Variants in NKAIN3 observed in about 807,000 individuals in gnomAD.
NKAIN3 encodes the protein sodium/potassium transporting ATPase interacting 3, also known as sodium/potassium-transporting ATPase subunit beta-1-interacting protein 3.
Under a neutral mutation model 30.2 loss-of-function variants are expected in NKAIN3, and 25 were observed. That is an observed-to-expected ratio of 0.83 (90% CI 0.60 to 1.16). The LOEUF (loss-of-function observed/expected upper bound fraction) is 1.16. Ranked by LOEUF, NKAIN3 falls within the 50% of genes most tolerant of loss-of-function variation. The probability of loss-of-function intolerance (pLI) is 0.00; values close to 1 mark genes in which losing one functional copy is unlikely to be tolerated. For synonymous variants in NKAIN3, 91 were observed against 89.6 expected, an observed-to-expected ratio of 1.02 and a Z score of -0.09; for missense variants, 225 against 254.1, an observed-to-expected ratio of 0.89 and a Z score of 0.78.
chr8:62,871,680 C>T (rs866335913), intron 4 of NKAIN3, among the ~76,000 whole-genome samples: 7 of 152,130 alleles, frequency 4.6e-5, no homozygotes, highest in Non-Finnish European at 1.0e-4. Flanking sequence ...AAGAGGAATT[C>T]GGGCTTTGGG....
intron 3 of NKAIN3, among the ~76,000 whole-genome samples, chr8:62,630,058 TTATAA>T (rs1299699767): frequency 2.0e-5 from 3 of 152,084 alleles, no homozygotes; most frequent in African/African-American, 7.2e-5. Context: ...ATGACTTTTA[TTATAA>T]TATATTATAG....
rs1204626948 is a variant in NKAIN3, at chr8:62,601,575, A to G, written c.273+11781A>G. 9.9e-5 allele frequency among the ~76,000 whole-genome samples: 15 copies of G among 152,112 alleles called. No individual in the cohort carries two copies. In the East Asian group the frequency reaches 2.7e-3, roughly 28 times the overall value. On this transcript the variant is annotated intron_variant, in intron 3 of 6. Coordinates refer to ENST00000623646, the MANE Select transcript of NKAIN3 (RefSeq NM_001304533.3). ...GTTCTGAACTAACATATTAGTAGGT[A>G]TGTATCCTGCTGAGCTAAAGGAATA...
At chr8:62,828,323 G>A (rs1192910391) in intron 4 of NKAIN3, among the ~76,000 whole-genome samples, 4 of 150,972 alleles carry the variant, frequency 2.6e-5, no homozygotes, top group Non-Finnish European at 5.9e-5. Context: ...CTTGAGCCTA[G>A]TTGTAATATG....
At chr8:62,688,844 ATTC>A (rs1371234701) in intron 3 of NKAIN3, among the ~76,000 whole-genome samples, 1 of 152,084 alleles carries the variant, frequency 6.6e-6, no homozygotes, top group Admixed American at 6.6e-5. Context: ...GTCTTTATCT[ATTC>A]TTCAGATAGC....
At chr8:62,626,064 G>A (rs16929302) in intron 3 of NKAIN3, among the ~76,000 whole-genome samples, 43,947 of 151,888 alleles carry the variant, frequency 0.29, 7,525 homozygotes, top group African/African-American at 0.48. Flanking sequence ...AGAGGCTAGT[G>A]TTTGAGTTCT....
chr8:62,298,552 C>G (rs1242162818), intron 1 of NKAIN3, among the ~76,000 whole-genome samples: 1 of 152,130 alleles, frequency 6.6e-6, no homozygotes. Context: ...GTCCACTGCA[C>G]TGCACTGCAG....
intron 1 of NKAIN3, among the ~76,000 whole-genome samples, chr8:62,257,980 T>C (rs1812312316): frequency 6.6e-6 from 1 of 152,156 alleles, no homozygotes; most frequent in Non-Finnish European, 1.5e-5. Context: ...TTGTTTTCTA[T>C]CCCCAGAACA....
rs377150544 is a variant in NKAIN3 at position 62,337,465 on chromosome 8, A to G, written c.54+88338A>G. On this transcript the variant is annotated intron_variant, in intron 1 of 6. Coordinates refer to ENST00000623646, the MANE Select transcript of NKAIN3 (RefSeq NM_001304533.3). Reference sequence around the variant, plus strand: ...TGAAGTATATCAGGGGCAGGAAAAAAAAACATATAGGCACTCCTATAAGGA... The same window carrying G: ...TGAAGTATATCAGGGGCAGGAAAAAGAAACATATAGGCACTCCTATAAGGA... Among the ~76,000 whole-genome samples the G allele has an allele frequency of 2.6e-5, 4 of 152,104 alleles. No individual in the cohort carries two copies. The East Asian group carries it at 5.8e-4, about 22-fold the overall frequency.
Position 62,602,882 on chromosome 8 carries a change from T to G in NKAIN3, c.273+13088T>G, listed in dbSNP as rs543546916. 2.6e-5 allele frequency among the ~76,000 whole-genome samples: 4 copies of G among 152,266 alleles called. No homozygotes were observed. The South Asian group carries it at 8.3e-4, about 32-fold the overall frequency. ...ATAATTATTCTAATACATGAAAATT[T>G]GTTAACATTTCAGAACATTACATAG... On this transcript the variant is annotated intron_variant, in intron 3 of 6. Transcript: ENST00000623646.
In NKAIN3 at chr8:62,414,080, G is replaced by A. The variant is rs536390935; in HGVS notation, c.54+164953G>A. On this transcript the variant is annotated intron_variant, in intron 1 of 6. Transcript: ENST00000623646. ...TCTTTTTGTACTTCTGTGTGCATACGTATGTCTTTGATTTGGGACTTTTTG... is the reference window on the plus strand; with the variant it reads ...TCTTTTTGTACTTCTGTGTGCATACATATGTCTTTGATTTGGGACTTTTTG... Among the ~76,000 whole-genome samples the A allele has an allele frequency of 6.9e-4, 105 of 152,170 alleles. 1 individual carries two copies. The South Asian group carries it at 0.02, about 29-fold the overall frequency.
chr8:62,368,190 A>G (rs1291010107), intron 1 of NKAIN3, among the ~76,000 whole-genome samples: 2 of 152,156 alleles, frequency 1.3e-5, no homozygotes, highest in South Asian at 2.1e-4. Context: ...CAAAATCCCA[A>G]TGATATTCTG....
Position 62,883,457 on chromosome 8 carries a change from G to GTTGTTGTTTTTTTTTTTTT in NKAIN3, c.472-34994_472-34993insGTTGTTTTTTTTTTTTTTT. Reference sequence around the variant, plus strand: ...TTTATTATTTCCAGGAGTTTTATGGGTTTTTTTTTTTTTTTTCAGATTTTC... The same window carrying GTTGTTGTTTTTTTTTTTTT: ...TTTATTATTTCCAGGAGTTTTATGGGTTGTTGTTTTTTTTTTTTTTTTTTTTTTTTTTTTTCAGATTTTC... On this transcript the variant is annotated intron_variant, in intron 4 of 6. Coordinates refer to ENST00000623646, the MANE Select transcript of NKAIN3 (RefSeq NM_001304533.3). Among the ~76,000 whole-genome samples the GTTGTTGTTTTTTTTTTTTT allele has an allele frequency of 3.0e-3, 212 of 70,164 alleles. 23 individuals carry two copies. The highest frequency in any genetic ancestry group is 0.011 in the East Asian group (18 of 1,696). 46.0% of individuals were successfully genotyped at this position (70,164 alleles called of 152,430 possible).
chr8:62,274,674 C>G (rs1217746678), intron 1 of NKAIN3, among the ~76,000 whole-genome samples: 1 of 151,798 alleles, frequency 6.6e-6, no homozygotes. Flanking sequence ...ATACATGTGC[C>G]ATGCTGGTGT....
chr8:62,464,386 T>C (rs900406178), intron 1 of NKAIN3, among the ~76,000 whole-genome samples: 6 of 152,212 alleles, frequency 3.9e-5, no homozygotes, highest in African/African-American at 1.4e-4. Flanking sequence ...CTAATCTTCC[T>C]ACATACAAGT....
At chr8:62,668,780 T>A (rs1056762242) in intron 3 of NKAIN3, among the ~76,000 whole-genome samples, 6 of 152,182 alleles carry the variant, frequency 3.9e-5, no homozygotes, top group Non-Finnish European at 8.8e-5. Flanking sequence ...AAAATATTTT[T>A]AAAATTTTAA....
chr8:62,346,414 C>A (rs1006861217), intron 1 of NKAIN3, among the ~76,000 whole-genome samples: 1 of 151,956 alleles, frequency 6.6e-6, no homozygotes, highest in Non-Finnish European at 1.5e-5. Flanking sequence ...GTGAACTGTA[C>A]CATATTAGCC....
intron 4 of NKAIN3, among the ~76,000 whole-genome samples, chr8:62,850,207 G>A (rs1411436674): frequency 2.0e-5 from 3 of 152,094 alleles, no homozygotes; most frequent in African/African-American, 7.2e-5. Flanking sequence ...GATGGCCAGT[G>A]ATGATGAGCA....
intron 1 of NKAIN3, among the ~76,000 whole-genome samples, chr8:62,396,322 C>T (rs913534763): frequency 4.6e-5 from 7 of 152,268 alleles, no homozygotes; most frequent in Middle Eastern, 3.4e-3. Context: ...CTCAAAAGCC[C>T]CCTTCTTATT....
Position 62,657,585 on chromosome 8 carries a change from C to A in NKAIN3, c.273+67791C>A, listed in dbSNP as rs146554707. ...CTTTGTGGTTTACATATTGCATTAT[C>A]AATCTCTTAGTGTCAGAAAGGCTGG... On this transcript the variant is annotated intron_variant, in intron 3 of 6. Transcript: ENST00000623646. 4.6e-5 allele frequency among the ~76,000 whole-genome samples: 7 copies of A among 152,258 alleles called. 1 individual carries two copies. In the East Asian group the frequency reaches 1.4e-3, roughly 29 times the overall value.
Sources: gnomAD v4.1 joint callset for allele counts (sites outside exome capture counted in the v4.1 genomes callset) on GRCh38, gnomAD v4.1.1 for gene constraint, MANE v1.5 for transcripts, NCBI Gene and HGNC (gene_info 2026-07-23, HGNC 2026-07-21) for gene names.